RIPOR3: variants seen among roughly 807,000 people sequenced by gnomAD.
The protein encoded by RIPOR3 is family with sequence similarity 65 member C.
Under a neutral mutation model 114.3 loss-of-function variants are expected in RIPOR3, and 95 were observed. The ratio of observed to expected loss-of-function variants is 0.83; its 90% CI spans 0.70 to 0.99. RIPOR3 has a LOEUF of 0.99. Ranked by LOEUF, RIPOR3 falls within the 50% of genes least tolerant of loss-of-function variation. The probability of loss-of-function intolerance (pLI) is 0.00; values close to 1 mark genes in which losing one functional copy is unlikely to be tolerated. For missense variants in RIPOR3, 1,252 were observed against 1,266.9 expected (o/e 0.99, Z 0.18); for synonymous variants, 575 against 543.8 (o/e 1.06, Z -0.80).
chr20:50,671,021 G>A (rs921555851), intron 1 of RIPOR3, among the ~76,000 whole-genome samples: 3 of 152,072 alleles, frequency 2.0e-5, no homozygotes, highest in Non-Finnish European at 4.4e-5. Context: ...TCCACCTCCC[G>A]GCTTCAAGTG....
chr20:50,599,559 G>T (rs1346454694), intron 13 of RIPOR3, among the ~76,000 whole-genome samples: 3 of 152,150 alleles, frequency 2.0e-5, no homozygotes, highest in Admixed American at 2.0e-4. Flanking sequence ...CTGAAGCTCT[G>T]GGCTTGGGAG....
At position 50,691,133 on chromosome 20, in the gene RIPOR3, C is replaced by T. The variant is rs1180319627; in HGVS notation, c.-5G>A. The T allele has an allele frequency of 1.6e-6, 2 of 1,289,496 alleles. No individual in the cohort carries two copies. Among genetic ancestry groups the T allele is most frequent in the Middle Eastern group, 2.1e-4 (1 of 4,696 alleles). 79.9% of individuals were successfully genotyped at this position (1,289,496 alleles called of 1,614,324 possible). On this transcript the variant is annotated 5_prime_UTR_variant, in exon 1 of 22. Coordinates refer to ENST00000327979, the MANE Select transcript of RIPOR3 (RefSeq NM_001290268.2). ...CAGTCACTTCACACTCACCATCGAG[C>T]AGGTCTGGACACTCGAGTGCAGTCC...
chr20:50,656,519 GT>G lies in RIPOR3; in HGVS notation c.4-25664del, dbSNP rs376915121. ...TTCATAAAACAGTATAGCGTATACA[GT>G]TTCCTGTTTCACTGCCTCATTTTAG... On this transcript the variant is annotated intron_variant, in intron 1 of 21. Coordinates refer to ENST00000327979, the MANE Select transcript of RIPOR3 (RefSeq NM_001290268.2). Among the ~76,000 whole-genome samples the G allele has an allele frequency of 6.6e-5, 10 of 152,154 alleles. No homozygotes were observed. In the East Asian group the frequency reaches 1.7e-3, roughly 26 times the overall value.
rs765419339 is a variant in RIPOR3, at chr20:50,602,337, C to T, written c.1394G>A (p.Gly465Asp). 2 of 1,613,886 alleles carry T rather than the reference C, an allele frequency of 1.2e-6. No individual in the cohort carries two copies. Among genetic ancestry groups the T allele is most frequent in the Admixed American group, 1.7e-5 (1 of 60,024 alleles). Residue 465 changes from glycine to aspartate, a missense_variant, in exon 13 of 22, where the codon GGC becomes GAC. Gly to Asp is a moderately conservative substitution (Grantham distance 94). Transcript: ENST00000327979. The surrounding 1 kb of genome is among the most constrained non-coding windows in gnomAD (Gnocchi z 4.3). Reference sequence around the variant, plus strand: ...CCAGCCAGGCTGCTCTGCAAACGGGCCTCCAGAGAGGTGGGCCATCTCTGG... The same window carrying T: ...CCAGCCAGGCTGCTCTGCAAACGGGTCTCCAGAGAGGTGGGCCATCTCTGG... Reference protein sequence around the residue: ...LLPEMAHLSGGPFAEQPGWRN... With the variant: ...LLPEMAHLSGDPFAEQPGWRN...
Position 50,664,297 on chromosome 20 carries a change from C to A in RIPOR3, c.3+26829G>T, listed in dbSNP as rs138479088. The stretch of plus-strand genomic sequence containing the variant: ...CAACCTAATATTTAAGGTAGGACAC[C>A]GTGAAGCCCAGTGAGATCTCTGTGG... On this transcript the variant is annotated intron_variant, in intron 1 of 21. Transcript: ENST00000327979. Among the ~76,000 whole-genome samples the A allele has an allele frequency of 2.6e-3, 393 of 152,302 alleles. 6 individuals carry two copies. Among genetic ancestry groups the A allele is most frequent in the Admixed American group, 0.019 (285 of 15,292 alleles).
At chr20:50,691,096 A>G in intron 1 of RIPOR3, 30 bp downstream of exon 1, 1 of 1,289,426 alleles carries the variant, frequency 7.8e-7, no homozygotes, top group South Asian at 1.2e-5. Context: ...GCGTCACGGC[A>G]CACATGGGGA....
chr20:50,682,623 T>TGTGTGTGTGTGTGTGTGTGTGTGG (rs2086895006), intron 1 of RIPOR3, among the ~76,000 whole-genome samples: 1 of 152,018 alleles, frequency 6.6e-6, no homozygotes, highest in African/African-American at 2.4e-5. Context: ...TGTGTGTGTG[T>TGTGTGTGTGTGTGTGTGTGTGTGG]GTGTGTCTGC....
rs777176232 is a variant in RIPOR3, at chr20:50,597,689, GCTC to G, written c.1678_1680del (p.Glu560del). 3.7e-6 allele frequency: 6 copies of G among 1,611,748 alleles called. No homozygotes were observed. In the South Asian group the frequency reaches 4.4e-5, roughly 12 times the overall value. On this transcript the variant is annotated inframe_deletion, in exon 14 of 22. Transcript: ENST00000327979. ...TCCATCAGGCTCTCGGCCGAGGTGT[GCTC>G]CTGCCGTGCTCTGCAGGGCTGTGGA...
intron 3 of RIPOR3, among the ~76,000 whole-genome samples, chr20:50,617,536 G>GC (rs531407189): frequency 2.0e-5 from 3 of 151,860 alleles, no homozygotes; most frequent in Admixed American, 6.6e-5. Context: ...GCCTGCCTCG[G>GC]CCCCCCAAAG....
At chr20:50,643,710 T>C (rs66593659) in intron 1 of RIPOR3, among the ~76,000 whole-genome samples, 35 of 69,174 alleles carry the variant, frequency 5.1e-4, no homozygotes, top group Middle Eastern at 6.3e-3. Context: ...TTCTTTCTTT[T>C]TTTTTTTTTT....
chr20:50,639,161 G>A (rs908786655), intron 1 of RIPOR3, among the ~76,000 whole-genome samples: 1 of 151,850 alleles, frequency 6.6e-6, no homozygotes, highest in African/African-American at 2.4e-5. Context: ...AGAATTGCTT[G>A]AACCCAGGTG....
chr20:50,609,594 G>A lies in RIPOR3; in HGVS notation c.555C>T (p.Arg185=). ...CCACCTCGGCGCACTCGTGCAGGCT[G>A]CGGCCCAGCTCCTGCAGGCTCTCTC... is the stretch of plus-strand genomic sequence containing the variant. The part of the protein sequence containing the change: ...AARESLQELG[R]SLHECAEDMW... The change falls in exon 7 of 22, where the codon CGC becomes CGT. Residue 185 remains arginine, a synonymous_variant. Transcript: ENST00000327979. 1 of 1,417,674 alleles carries A rather than the reference G, an allele frequency of 7.1e-7. No homozygotes were observed. The allele number at this position is 1,417,674 out of a possible 1,614,324, so 87.8% of individuals were successfully genotyped here.
At chr20:50,623,999 G>T (rs1344146760) in intron 2 of RIPOR3, among the ~76,000 whole-genome samples, 2 of 149,262 alleles carry the variant, frequency 1.3e-5, no homozygotes, top group Non-Finnish European at 3.0e-5. Context: ...ACCACGTCCA[G>T]TAATTTTTGT....
intron 1 of RIPOR3, among the ~76,000 whole-genome samples, chr20:50,643,425 C>T (rs2085277122): frequency 6.6e-6 from 1 of 150,926 alleles, no homozygotes; most frequent in Non-Finnish European, 1.5e-5. Context: ...CTGTGAGCCA[C>T]CATGTCTGGC....
At chr20:50,652,473 C>T (rs2085643572) in intron 1 of RIPOR3, among the ~76,000 whole-genome samples, 1 of 151,546 alleles carries the variant, frequency 6.6e-6, no homozygotes, top group Non-Finnish European at 1.5e-5. Context: ...CGCCTGTAAT[C>T]CCAGCTACTT....
chr20:50,587,132 G>A lies in RIPOR3; in HGVS notation c.*100C>T, dbSNP rs1022545846. The A allele has an allele frequency of 3.4e-6, 3 of 880,752 alleles. No individual in the cohort carries two copies. Among genetic ancestry groups the A allele is most frequent in the African/African-American group, 1.7e-5 (1 of 60,324 alleles). The allele number at this position is 880,752 out of a possible 1,614,324, so 54.6% of individuals were successfully genotyped here. Reference sequence around the variant, plus strand: ...AGAGCTCTGGGCAGCTCACACTCCTGGAGGAGTGCACAGCACCATTACCCA... The same window carrying A: ...AGAGCTCTGGGCAGCTCACACTCCTAGAGGAGTGCACAGCACCATTACCCA... On this transcript the variant is annotated 3_prime_UTR_variant, in exon 22 of 22. Coordinates refer to ENST00000327979, the MANE Select transcript of RIPOR3 (RefSeq NM_001290268.2).
chr20:50,650,136 A>G (rs1481899392), intron 1 of RIPOR3, among the ~76,000 whole-genome samples: 2 of 152,070 alleles, frequency 1.3e-5, no homozygotes, highest in Middle Eastern at 3.2e-3. Context: ...GTTGCAGACT[A>G]TGGTCCTCTC....
At position 50,589,779 on chromosome 20, in the gene RIPOR3, G is replaced by A. The variant is rs1483004174; in HGVS notation, c.2578-10C>T. The A allele has an allele frequency of 6.2e-7, 1 of 1,611,706 alleles. No homozygotes were observed. The highest frequency in any genetic ancestry group is 2.2e-5 in the East Asian group (1 of 44,818). ...TGTAGAACAGCAAAGCCTGGGGAGAGTAAGGAGGCTGTGAATGGAGGGGTA... is the reference window on the plus strand; with the variant it reads ...TGTAGAACAGCAAAGCCTGGGGAGAATAAGGAGGCTGTGAATGGAGGGGTA... On this transcript the variant is annotated splice_polypyrimidine_tract_variant and intron_variant, in intron 19 of 21. Transcript: ENST00000327979.
In RIPOR3 at chr20:50,592,350, C is replaced by T; in HGVS notation, c.2571G>A (p.Arg857=). 2 of 1,571,068 alleles carry T rather than the reference C, an allele frequency of 1.3e-6. No individual in the cohort carries two copies. Among genetic ancestry groups the T allele is most frequent in the Non-Finnish European group, 8.7e-7 (1 of 1,153,410 alleles). ...CCTGCCCTGGACAACGTACCTTTTC[C>T]CGGAAGCTTCTGTTCCTGACTGCAC... The part of the protein sequence containing the change: ...LAGAVRNRSF[R]EKALLFYTNA... Residue 857 remains arginine, a synonymous_variant, in exon 19 of 22, where the codon CGG becomes CGA. Coordinates refer to ENST00000327979, the MANE Select transcript of RIPOR3 (RefSeq NM_001290268.2).
Sources: allele counts gnomAD v4.1 joint callset (sites outside exome capture counted in the v4.1 genomes callset), GRCh38; gene constraint gnomAD v4.1.1; non-coding constraint Gnocchi (gnomAD v3.1); transcripts MANE v1.5; gene names NCBI Gene and HGNC (gene_info 2026-07-23, HGNC 2026-07-21).